ZNF536: variants seen among roughly 807,000 people sequenced by gnomAD.
ZNF536 encodes the protein zinc finger protein 536.
ZNF536 carries 13 observed loss-of-function variants against 84.5 expected under a neutral mutation model. The observed-to-expected ratio is 0.15, with a 90% CI of 0.10 to 0.24. ZNF536 has a LOEUF of 0.24. Ranked by LOEUF, ZNF536 falls within the 10% of genes least tolerant of loss-of-function variation. The pLI, the probability that ZNF536 is intolerant of heterozygous loss-of-function variation, is 1.00. For synonymous variants in ZNF536, 811 were observed against 742.5 expected (o/e 1.09, Z -1.50); for missense variants, 1,536 against 1,747.5 (o/e 0.88, Z 2.16).
intron 1 of ZNF536, among the ~76,000 whole-genome samples, chr19:30,680,794 T>C (rs1229792704): frequency 1.3e-5 from 2 of 152,098 alleles, no homozygotes; most frequent in Non-Finnish European, 2.9e-5. Flanking sequence ...GGTCAAATGG[T>C]ATTTCTAGTT....
At chr19:30,374,815 C>A (rs1002219801) in intron 1 of ZNF536, among the ~76,000 whole-genome samples, 2 of 151,346 alleles carry the variant, frequency 1.3e-5, no homozygotes, top group East Asian at 2.0e-4. Context: ...GGCGCCCGGG[C>A]GGATTGCGAG....
chr19:30,610,733 C>T (rs550313886), intron 1 of ZNF536, among the ~76,000 whole-genome samples: 2 of 152,236 alleles, frequency 1.3e-5, no homozygotes, highest in East Asian at 3.9e-4. Flanking sequence ...AGCCCTGTCA[C>T]CCGACTGTCA....
At chr19:30,692,003 CG>C (rs2051431331) in intron 1 of ZNF536, among the ~76,000 whole-genome samples, 1 of 152,158 alleles carries the variant, frequency 6.6e-6, no homozygotes, top group Admixed American at 6.5e-5. Context: ...TCTCTGCAGG[CG>C]GTCATGGCCG....
Position 30,683,957 on chromosome 19 carries a change from C to CT in ZNF536, c.170-26793dup, listed in dbSNP as rs967579473. Among the ~76,000 whole-genome samples, 11 of 152,230 alleles carry CT rather than the reference C, an allele frequency of 7.2e-5. No homozygotes were observed. In the East Asian group the frequency reaches 1.5e-3, roughly 21 times the overall value. ...TTAAGAATTCATGCCTTTAGTATTG[C>CT]TTTTTTTGATACATTAAGACAAGCT... On this transcript the variant is annotated intron_variant, in intron 1 of 1. Transcript: ENST00000592773.
At chr19:30,598,101 C>T (rs777320568) in intron 1 of ZNF536, among the ~76,000 whole-genome samples, 7 of 152,206 alleles carry the variant, frequency 4.6e-5, no homozygotes, top group Admixed American at 4.6e-4. Flanking sequence ...GTGAATCCAG[C>T]TGCTGAAATA....
At chr19:30,339,079 C>T (rs1454522368) in intron 2 of ZNF536, among the ~76,000 whole-genome samples, 2 of 152,140 alleles carry the variant, frequency 1.3e-5, no homozygotes, top group African/African-American at 4.8e-5. Context: ...TGGCTTTTGG[C>T]GGTGGTGCTT....
upstream of ZNF536, among the ~76,000 whole-genome samples, chr19:30,369,258 G>A (rs1423620920): frequency 2.6e-5 from 4 of 152,138 alleles, no homozygotes; most frequent in South Asian, 2.1e-4. Flanking sequence ...TAGAGTTTTC[G>A]CAAAGTTTAA....
At chr19:30,369,557 T>C (rs1378457076), upstream of ZNF536, among the ~76,000 whole-genome samples, 6 of 152,248 alleles carry the variant, frequency 3.9e-5, no homozygotes, top group Non-Finnish European at 8.8e-5. Context: ...TGACTGGCTG[T>C]TGCTTTGACC....
intron 2 of ZNF536, among the ~76,000 whole-genome samples, chr19:30,465,371 C>G (rs2053339723): frequency 6.6e-6 from 1 of 152,154 alleles, no homozygotes; most frequent in South Asian, 2.1e-4. Context: ...GAAGATGTTT[C>G]TCTGTAGGAT....
chr19:30,392,241 G>T (rs908709509), intron 1 of ZNF536, among the ~76,000 whole-genome samples: 3 of 152,138 alleles, frequency 2.0e-5, no homozygotes, highest in African/African-American at 7.2e-5. Context: ...TCTAGAATTT[G>T]CAGGAAACCA....
intron 3 of ZNF536, among the ~76,000 whole-genome samples, chr19:30,539,364 G>A (rs1396527338): frequency 1.3e-5 from 2 of 152,092 alleles, no homozygotes; most frequent in Non-Finnish European, 1.5e-5. Flanking sequence ...TGCCTTCAAC[G>A]GATTGGACAA....
At chr19:30,485,128 T>G (rs760569534) in intron 2 of ZNF536, among the ~76,000 whole-genome samples, 1 of 150,698 alleles carries the variant, frequency 6.6e-6, no homozygotes, top group Non-Finnish European at 1.5e-5. Context: ...TGGGCGACAG[T>G]GTGAGACTCT....
At chr19:30,249,217 T>C (rs999870066) in intron 1 of ZNF536, among the ~76,000 whole-genome samples, 4 of 152,222 alleles carry the variant, frequency 2.6e-5, no homozygotes, top group Non-Finnish European at 4.4e-5. Context: ...AGCAACTATT[T>C]ATCCAGTGCC....
intron 1 of ZNF536, among the ~76,000 whole-genome samples, chr19:30,655,023 AC>A: frequency 6.6e-6 from 1 of 152,358 alleles, no homozygotes; most frequent in Middle Eastern, 3.4e-3. Flanking sequence ...GGCCTGAGGC[AC>A]CTGGCTGTGC....
intron 1 of ZNF536, among the ~76,000 whole-genome samples, chr19:30,247,511 C>T (rs368222191): frequency 2.0e-5 from 3 of 152,228 alleles, no homozygotes; most frequent in Admixed American, 1.3e-4. Context: ...GGTTACACCT[C>T]GAACCTGGAG....
At chr19:30,633,030 G>C (rs575872257) in intron 1 of ZNF536, among the ~76,000 whole-genome samples, 78 of 152,308 alleles carry the variant, frequency 5.1e-4, no homozygotes, top group Non-Finnish European at 6.8e-4. Context: ...TTTTCAATAA[G>C]ATGATCAAAG....
At chr19:30,423,121 GCATCCATCCATCCATCCATCCATC>G (rs202164325) in intron 1 of ZNF536, among the ~76,000 whole-genome samples, 99 of 25,234 alleles carry the variant, frequency 3.9e-3, no homozygotes, top group South Asian at 4.6e-3. Flanking sequence ...ATCCATCCAT[GCATCCATCCATCCATCCATCCATC>G]CATCCAACCA....
chr19:30,591,256 C>T (rs2047268383), intron 1 of ZNF536, among the ~76,000 whole-genome samples: 2 of 152,154 alleles, frequency 1.3e-5, no homozygotes, highest in South Asian at 4.1e-4. Flanking sequence ...TGCAGGACTG[C>T]CACTGCCTTC....
chr19:30,228,748 G>C lies in ZNF536; in HGVS notation c.-190+75G>C, dbSNP rs1301788725. 1.3e-5 allele frequency: 2 copies of C among 151,160 alleles called. No individual in the cohort carries two copies. The highest frequency in any genetic ancestry group is 2.0e-4 in the East Asian group (1 of 5,128). The allele number at this position is 151,160 out of a possible 1,614,324, so 9.4% of individuals were successfully genotyped here. ...CCGGGAGCGAGGTGCCGCGAGCTGC[G>C]CGCCGCCCCGGGCCGGCCTCGCGTG... On this transcript the variant is annotated intron_variant, in intron 1 of 5. Coordinates refer to the ZNF536 transcript ENST00000585628. This position sits in a 1 kb window ranked among gnomAD's most constrained non-coding sequence, Gnocchi z 4.5.
Sources: allele counts gnomAD v4.1 joint callset (sites outside exome capture counted in the v4.1 genomes callset), GRCh38; gene constraint gnomAD v4.1.1; non-coding constraint Gnocchi (gnomAD v3.1); transcripts MANE v1.5; gene names NCBI Gene and HGNC (gene_info 2026-07-23, HGNC 2026-07-21).